FBXO11: variants seen among roughly 807,000 people sequenced by gnomAD.
FBXO11 encodes the protein F-box only protein 11.
Under a neutral mutation model 117.0 loss-of-function variants are expected in FBXO11, and 13 were observed. The ratio of observed to expected loss-of-function variants is 0.11; its 90% CI spans 0.07 to 0.18. The LOEUF is 0.18. FBXO11 is among the 10% of genes least tolerant of loss of function. The pLI is 1.00. For synonymous variants in FBXO11, 490 were observed against 380.5 expected (o/e 1.29, Z -3.35); for missense variants, 767 against 1,164.4 (o/e 0.66, Z 4.97).
intron 1 of FBXO11, among the ~76,000 whole-genome samples, chr2:47,841,879 T>A (rs1673036486): frequency 6.6e-6 from 1 of 151,596 alleles, no homozygotes; most frequent in Non-Finnish European, 1.5e-5. Context: ...GACCTCGTGA[T>A]CCCCCCACCT....
At chr2:47,832,263 TTGG>T in intron 11 of FBXO11, 83 bp downstream of exon 11, 1 of 1,130,176 alleles carries the variant, frequency 8.8e-7, no homozygotes, top group Non-Finnish European at 1.3e-6. Context: ...TTCAGATAAT[TTGG>T]TGATGAGAAA....
chr2:47,832,262 T>C (rs1056276809), intron 11 of FBXO11, 87 bp downstream of exon 11: 3 of 1,119,570 alleles, frequency 2.7e-6, no homozygotes, highest in African/African-American at 3.1e-5. Flanking sequence ...ATTCAGATAA[T>C]TTGGTGATGA....
intron 1 of FBXO11, among the ~76,000 whole-genome samples, chr2:47,902,023 C>G (rs1378747669): frequency 6.6e-6 from 1 of 152,198 alleles, no homozygotes; most frequent in Non-Finnish European, 1.5e-5. Context: ...ACAACCTCAG[C>G]CTCCCGCGTT....
At chr2:47,836,949 G>T in intron 4 of FBXO11, 1 of 389,008 alleles carries the variant, frequency 2.6e-6, no homozygotes, top group African/African-American at 2.2e-5. Flanking sequence ...TGTTGCCCAG[G>T]CTGGTCTCAA....
At chr2:47,856,241 A>G (rs555599576) in intron 1 of FBXO11, among the ~76,000 whole-genome samples, 4 of 152,238 alleles carry the variant, frequency 2.6e-5, no homozygotes, top group Non-Finnish European at 5.9e-5. Context: ...AAGCATAAAG[A>G]TAGATTAAAT....
At chr2:47,813,201 G>C in intron 18 of FBXO11, 33 bp downstream of exon 18, 1 of 1,602,628 alleles carries the variant, frequency 6.2e-7, no homozygotes, top group Non-Finnish European at 8.5e-7. Context: ...TGGAAAACTG[G>C]ATTTTTCACT....
intron 1 of FBXO11, among the ~76,000 whole-genome samples, chr2:47,871,463 C>A (rs1034076347): frequency 6.6e-6 from 1 of 152,186 alleles, no homozygotes; most frequent in East Asian, 1.9e-4. Context: ...TGGGGGTAAT[C>A]TGTCATGAAA....
At chr2:47,881,880 T>C (rs145202819) in intron 1 of FBXO11, among the ~76,000 whole-genome samples, 2,036 of 152,252 alleles carry the variant, frequency 0.013, 37 homozygotes, top group African/African-American at 0.044. Flanking sequence ...CCCAAGTAGC[T>C]GGGACTACAG....
chr2:47,819,159 T>G (rs979483822), intron 14 of FBXO11, 81 bp from the exon 15 acceptor site: 2 of 1,420,110 alleles, frequency 1.4e-6, no homozygotes, highest in African/African-American at 2.9e-5. Flanking sequence ...TTATAGACAG[T>G]TAAAAAATTT....
chr2:47,865,198 C>T (rs1371082171), intron 1 of FBXO11, among the ~76,000 whole-genome samples: 4 of 152,144 alleles, frequency 2.6e-5, no homozygotes, highest in Non-Finnish European at 5.9e-5. Flanking sequence ...TGCTATCACC[C>T]CAAATCTATT....
At chr2:47,899,265 C>T (rs1331394438) in intron 1 of FBXO11, among the ~76,000 whole-genome samples, 1 of 139,368 alleles carries the variant, frequency 7.2e-6, no homozygotes, top group Non-Finnish European at 1.5e-5. Flanking sequence ...CAGAGCAAGA[C>T]TCCGTCTCAA....
intron 5 of FBXO11, among the ~76,000 whole-genome samples, chr2:47,835,516 G>C (rs1672488142): frequency 6.7e-6 from 1 of 149,916 alleles, no homozygotes; most frequent in African/African-American, 2.5e-5. Context: ...TTTTTTCCCT[G>C]AGACAAGAGT....
chr2:47,839,897 A>T, intron 1 of FBXO11, 128 bp from the exon 2 acceptor site: 2 of 717,058 alleles, frequency 2.8e-6, no homozygotes, highest in Non-Finnish European at 2.2e-6. Flanking sequence ...AATTCCAACC[A>T]ACTGGATAGC....
At chr2:47,901,952 G>C (rs1047950075) in intron 1 of FBXO11, among the ~76,000 whole-genome samples, 26 of 152,036 alleles carry the variant, frequency 1.7e-4, no homozygotes, top group African/African-American at 5.8e-4. Context: ...TTTTATTTTT[G>C]AGACCGAGTC....
At chr2:47,835,811 T>C in intron 5 of FBXO11, 61 bp downstream of exon 5, 2 of 1,372,356 alleles carry the variant, frequency 1.5e-6, no homozygotes, top group Non-Finnish European at 2.0e-6. Context: ...ACTTATTTCT[T>C]AAAAGAAAGT....
chr2:47,881,177 G>A (rs1026350827), intron 1 of FBXO11, among the ~76,000 whole-genome samples: 2 of 152,112 alleles, frequency 1.3e-5, no homozygotes, highest in Non-Finnish European at 2.9e-5. Flanking sequence ...ACTTGAACCC[G>A]GGAGTCGGAG....
chr2:47,819,998 G>T (rs1671267920), intron 14 of FBXO11, among the ~76,000 whole-genome samples: 1 of 152,154 alleles, frequency 6.6e-6, no homozygotes, highest in Non-Finnish European at 1.5e-5. Context: ...GAACTTCAGT[G>T]ACTCATACAG....
intron 1 of FBXO11, among the ~76,000 whole-genome samples, chr2:47,845,410 T>A (rs1206154829): frequency 6.6e-6 from 1 of 152,212 alleles, no homozygotes; most frequent in Non-Finnish European, 1.5e-5. Context: ...CGCTGAAGAA[T>A]ATGTGCTAAT....
intron 19 of FBXO11, chr2:47,809,982 C>G (rs575788626): frequency 2.0e-6 from 1 of 491,364 alleles, no homozygotes; most frequent in South Asian, 3.2e-5. Flanking sequence ...ATTTTAACAT[C>G]TCTTTTTCTG....
Sources: gnomAD v4.1 joint callset for allele counts (sites outside exome capture counted in the v4.1 genomes callset) on GRCh38, gnomAD v4.1.1 for gene constraint, MANE v1.5 for transcripts, NCBI Gene and HGNC (gene_info 2026-07-23, HGNC 2026-07-21) for gene names.